Variants in SRGAP1 observed in about 807,000 individuals in gnomAD.
SRGAP1 encodes the protein SLIT-ROBO Rho GTPase-activating protein 1.
SRGAP1 carries 43 observed loss-of-function variants against 121.9 expected under a neutral mutation model. That is an observed-to-expected ratio of 0.35 (90% confidence interval 0.28 to 0.46). SRGAP1 has a LOEUF of 0.46. Ranked by LOEUF, SRGAP1 falls within the 20% of genes least tolerant of loss-of-function variation. The pLI is 1.00. For synonymous variants in SRGAP1, 447 were observed against 485.4 expected, an observed-to-expected ratio of 0.92 and a Z score of 1.04; for missense variants, 1,102 against 1,350.9, an observed-to-expected ratio of 0.82 and a Z score of 2.89.
chr12:64,103,394 ATTTTATGT>A (rs2036290163), intron 15 of SRGAP1, among the ~76,000 whole-genome samples: 6 of 152,282 alleles, frequency 3.9e-5, no homozygotes, highest in Admixed American at 2.6e-4. Context: ...AATGATTTCT[ATTTTATGT>A]AACAAATCCC....
At chr12:64,128,752 A>G (rs1239415822) in intron 21 of SRGAP1, among the ~76,000 whole-genome samples, 2 of 152,222 alleles carry the variant, frequency 1.3e-5, no homozygotes, top group African/African-American at 4.8e-5. Flanking sequence ...TAATGTGATC[A>G]ATAATAGATA....
rs1393400675 is a variant in SRGAP1, at chr12:64,148,618, CTT to C, written c.*5947_*5948del. 3.3e-5 allele frequency: 5 copies of C among 152,036 alleles called. No homozygotes were observed. The highest frequency in any genetic ancestry group is 6.6e-5 in the Admixed American group (1 of 15,264). 9.4% of individuals were successfully genotyped at this position (152,036 alleles called of 1,614,324 possible). A position where few individuals can be genotyped will look rare whatever the true frequency, so the allele number is the denominator to read the frequency against. On this transcript the variant is annotated 3_prime_UTR_variant, in exon 22 of 22. Coordinates refer to ENST00000355086, the MANE Select transcript of SRGAP1 (RefSeq NM_020762.4). The stretch of plus-strand genomic sequence containing the variant: ...TTCTTTAAATATAAAAAAAAGATAA[CTT>C]GAGGTCTAGCAATATGTAGTAGATA...
intron 1 of SRGAP1, among the ~76,000 whole-genome samples, chr12:63,928,204 T>C (rs1371508273): frequency 6.6e-6 from 1 of 152,182 alleles, no homozygotes; most frequent in Non-Finnish European, 1.5e-5. Context: ...TAAAAGTCAC[T>C]CTGGGTATGC....
chr12:63,861,284 A>G (rs1240431026), intron 1 of SRGAP1, among the ~76,000 whole-genome samples: 8 of 134,106 alleles, frequency 6.0e-5, no homozygotes, highest in African/African-American at 2.1e-4. Context: ...AAGGGATGGT[A>G]GGCATATATA....
intron 4 of SRGAP1, among the ~76,000 whole-genome samples, chr12:64,022,940 T>A (rs2034580262): frequency 6.6e-6 from 1 of 151,570 alleles, no homozygotes; most frequent in African/African-American, 2.4e-5. Flanking sequence ...GTGTAAGAGG[T>A]AAGAGGAAAA....
At chr12:63,926,304 C>T (rs1565953315) in intron 1 of SRGAP1, among the ~76,000 whole-genome samples, 1 of 152,112 alleles carries the variant, frequency 6.6e-6, no homozygotes, top group Non-Finnish European at 1.5e-5. Context: ...GTGTTGGGTG[C>T]TGTGCTATTC....
intron 8 of SRGAP1, among the ~76,000 whole-genome samples, chr12:64,068,564 G>C (rs1328885073): frequency 6.6e-6 from 1 of 151,638 alleles, no homozygotes; most frequent in Non-Finnish European, 1.5e-5. Context: ...CTAACTCCTG[G>C]GTTCAAGCGA....
At chr12:63,931,351 A>G (rs1370860912) in intron 1 of SRGAP1, among the ~76,000 whole-genome samples, 1 of 152,228 alleles carries the variant, frequency 6.6e-6, no homozygotes, top group African/African-American at 2.4e-5. Context: ...AAAGAAGGTA[A>G]TAGCCAAAGT....
intron 1 of SRGAP1, among the ~76,000 whole-genome samples, chr12:63,851,818 C>T (rs552326854): frequency 2.6e-4 from 39 of 152,044 alleles, no homozygotes; most frequent in Middle Eastern, 3.4e-3. Context: ...CCACCTGCCT[C>T]AGCTTCCCCA....
At chr12:63,920,879 G>A (rs1298726858) in intron 1 of SRGAP1, among the ~76,000 whole-genome samples, 4 of 152,112 alleles carry the variant, frequency 2.6e-5, no homozygotes, top group Non-Finnish European at 4.4e-5. Context: ...GAGTAGGGTT[G>A]GGGAGAAAAT....
intron 17 of SRGAP1, among the ~76,000 whole-genome samples, chr12:64,115,155 G>C (rs1434702673): frequency 6.6e-6 from 1 of 152,120 alleles, no homozygotes; most frequent in Non-Finnish European, 1.5e-5. Context: ...ATGTAGTAAA[G>C]GAATAGCAAA....
intron 1 of SRGAP1, among the ~76,000 whole-genome samples, chr12:63,864,683 A>G (rs1158644865): frequency 6.6e-6 from 1 of 152,214 alleles, no homozygotes; most frequent in Non-Finnish European, 1.5e-5. Context: ...CTGGCCCTGA[A>G]AGCAATAATA....
intron 6 of SRGAP1, among the ~76,000 whole-genome samples, chr12:64,057,243 T>C (rs969165771): frequency 1.3e-5 from 2 of 152,268 alleles, no homozygotes; most frequent in African/African-American, 2.4e-5. Context: ...AAGAGAAAAC[T>C]CAAAACAACT....
intron 4 of SRGAP1, among the ~76,000 whole-genome samples, chr12:64,029,724 C>T (rs2335389): frequency 0.38 from 57,969 of 150,780 alleles, 11,903 homozygotes; most frequent in Non-Finnish European, 0.48. Flanking sequence ...AGGCTGGGGG[C>T]GGTGGCTCAC....
intron 6 of SRGAP1, among the ~76,000 whole-genome samples, chr12:64,050,453 TC>T (rs2035216710): frequency 3.1e-3 from 1 of 326 alleles, no homozygotes; most frequent in Non-Finnish European, 6.5e-3. Context: ...TTTCTCTATG[TC>T]CCTATATATA....
intron 4 of SRGAP1, among the ~76,000 whole-genome samples, chr12:64,040,533 C>A (rs1258367519): frequency 1.3e-5 from 2 of 152,142 alleles, no homozygotes; most frequent in Admixed American, 6.5e-5. Flanking sequence ...TGTGTTGTTT[C>A]TTTTAAGGAG....
intron 15 of SRGAP1, among the ~76,000 whole-genome samples, chr12:64,107,507 T>G (rs560185856): frequency 1.1e-4 from 17 of 152,210 alleles, no homozygotes; most frequent in Non-Finnish European, 2.2e-4. Flanking sequence ...ACAGGACTTC[T>G]TTCCCATTCA....
intron 6 of SRGAP1, among the ~76,000 whole-genome samples, chr12:64,056,211 G>A (rs2136526482): frequency 6.6e-6 from 1 of 152,176 alleles, no homozygotes; most frequent in Admixed American, 6.6e-5. Context: ...CTTCTCACTA[G>A]CTGTACTTGC....
chr12:64,103,462 A>C (rs1358384840), intron 15 of SRGAP1, among the ~76,000 whole-genome samples: 1 of 152,212 alleles, frequency 6.6e-6, no homozygotes, highest in East Asian at 1.9e-4. Flanking sequence ...CTATACCAAA[A>C]TACTATGATG....
Sources: allele counts gnomAD v4.1 joint callset (sites outside exome capture counted in the v4.1 genomes callset), GRCh38; gene constraint gnomAD v4.1.1; transcripts MANE v1.5; gene names NCBI Gene and HGNC (gene_info 2026-07-23, HGNC 2026-07-21).